DMD: variants seen among roughly 807,000 people sequenced by gnomAD.
The protein encoded by DMD is mutant dystrophin.
DMD carries 63 observed loss-of-function variants against 330.1 expected under a neutral mutation model. That is an observed-to-expected ratio of 0.19 (90% CI 0.16 to 0.24). The LOEUF is 0.24. Ranked by LOEUF, DMD falls within the 10% of genes least tolerant of loss-of-function variation. The probability of loss-of-function intolerance (pLI) is 1.00; values close to 1 mark genes in which losing one functional copy is unlikely to be tolerated. For synonymous variants in DMD, 1,223 were observed against 959.8 expected, an observed-to-expected ratio of 1.27 and a Z score of -5.07; for missense variants, 3,344 against 2,684.1, an observed-to-expected ratio of 1.25 and a Z score of -5.43.
At chrX:31,513,763 C>A in intron 55 of DMD, among the ~76,000 whole-genome samples, 1 of 111,716 alleles carries the variant, frequency 9.0e-6, no homozygotes, top group South Asian at 3.8e-4. Context: ...ATGAACCTTA[C>A]TGTACATCAG....
chrX:31,351,921 A>C (rs186493707), intron 60 of DMD, among the ~76,000 whole-genome samples: 79 of 106,660 alleles, frequency 7.4e-4, no homozygotes, highest in Non-Finnish European at 1.3e-3. Flanking sequence ...ATAAAAACTG[A>C]GGCATGAGAG....
At chrX:33,036,764 CAT>C (rs750567546) in intron 1 of DMD, among the ~76,000 whole-genome samples, 6 of 109,167 alleles carry the variant, frequency 5.5e-5, no homozygotes, top group Non-Finnish European at 7.6e-5. Flanking sequence ...ATGTAATTCA[CAT>C]ATATGTCTGT....
At chrX:32,523,932 CTT>C (rs57254581) in intron 17 of DMD, among the ~76,000 whole-genome samples, 32 of 87,395 alleles carry the variant, frequency 3.7e-4, no homozygotes, top group African/African-American at 5.4e-4. Flanking sequence ...CAAAAGAAAT[CTT>C]TTTTTTTTTT....
intron 1 of DMD, among the ~76,000 whole-genome samples, chrX:33,105,505 A>G (rs2095278216): frequency 8.9e-6 from 1 of 112,429 alleles, no homozygotes; most frequent in African/African-American, 3.2e-5. Flanking sequence ...GACAGAATGG[A>G]AAAAAATATT....
At chrX:32,762,764 G>A (rs2072485788) in intron 7 of DMD, among the ~76,000 whole-genome samples, 1 of 110,708 alleles carries the variant, frequency 9.0e-6, no homozygotes, top group African/African-American at 3.3e-5. Context: ...GGGTCTTGCT[G>A]GCTGCTTTCA....
chrX:32,415,155 T>C (rs1273389177), intron 29 of DMD, among the ~76,000 whole-genome samples: 1 of 112,329 alleles, frequency 8.9e-6, no homozygotes, highest in Admixed American at 9.5e-5. Context: ...AACAGTGTAC[T>C]CTACAAGGCA....
chrX:33,198,029 C>T (rs994154453), intron 1 of DMD, among the ~76,000 whole-genome samples: 10 of 111,369 alleles, frequency 9.0e-5, no homozygotes, highest in African/African-American at 2.6e-4. Flanking sequence ...TTTTACATTC[C>T]CATCAGCAAT....
chrX:32,044,916 T>C (rs1255822675), intron 44 of DMD, among the ~76,000 whole-genome samples: 2 of 111,847 alleles, frequency 1.8e-5, no homozygotes, highest in Non-Finnish European at 3.8e-5. Flanking sequence ...TAACTGGACA[T>C]GAGCCCTGAT....
intron 55 of DMD, among the ~76,000 whole-genome samples, chrX:31,612,709 C>T (rs1433482940): frequency 9.0e-6 from 1 of 111,434 alleles, no homozygotes. Context: ...TATTAAAATA[C>T]CTTTGGGGCA....
intron 2 of DMD, among the ~76,000 whole-genome samples, chrX:32,956,521 G>A (rs774031515): frequency 6.3e-5 from 7 of 111,711 alleles, no homozygotes; most frequent in Non-Finnish European, 1.3e-4. Flanking sequence ...TTGGTGTATA[G>A]GAATGCTAGT....
chrX:31,168,284 C>A (rs1002724028), intron 74 of DMD, among the ~76,000 whole-genome samples: 10 of 111,459 alleles, frequency 9.0e-5, no homozygotes, highest in African/African-American at 3.3e-4. Context: ...TTGAACGCCC[C>A]ACTAAGAAGC....
chrX:33,124,253 G>A (rs1316646235), intron 1 of DMD, among the ~76,000 whole-genome samples: 4 of 109,031 alleles, frequency 3.7e-5, no homozygotes, highest in East Asian at 2.9e-4. Flanking sequence ...CAAGGCATGC[G>A]AATCACGAGG....
At chrX:31,171,167 G>A (rs140861306) in intron 73 of DMD, among the ~76,000 whole-genome samples, 1 of 112,096 alleles carries the variant, frequency 8.9e-6, no homozygotes, top group African/African-American at 3.2e-5. Flanking sequence ...GAAAGATAAG[G>A]CATCACAGTT....
At chrX:32,043,415 T>C (rs1431249165) in intron 44 of DMD, among the ~76,000 whole-genome samples, 1 of 112,176 alleles carries the variant, frequency 8.9e-6, no homozygotes, top group Non-Finnish European at 1.9e-5. Flanking sequence ...GAACCTTTTA[T>C]ACAAACTAAC....
chrX:32,305,746 A>G (rs938774382), intron 42 of DMD, among the ~76,000 whole-genome samples: 1 of 111,146 alleles, frequency 9.0e-6, no homozygotes, highest in Non-Finnish European at 1.9e-5. Context: ...ATGGCCCCAA[A>G]GGCCCTCCAC....
At chrX:32,051,449 T>C (rs986471881) in intron 44 of DMD, among the ~76,000 whole-genome samples, 2 of 110,601 alleles carry the variant, frequency 1.8e-5, no homozygotes, top group African/African-American at 6.6e-5. Context: ...TAGAATGTAA[T>C]TTTAAAGAAA....
chrX:32,785,201 AT>A (rs2075244768), intron 7 of DMD, among the ~76,000 whole-genome samples: 1 of 99,119 alleles, frequency 1.0e-5, no homozygotes, highest in African/African-American at 4.4e-5. Context: ...CTATAAAAGC[AT>A]TAAAAAAAAA....
intron 22 of DMD, 43 bp from the exon 23 acceptor site, chrX:32,468,753 T>A: frequency 2.9e-6 from 3 of 1,043,527 alleles, no homozygotes; most frequent in Non-Finnish European, 2.7e-6. Flanking sequence ...AATTGATGAA[T>A]AATAATTGAT....
At chrX:31,265,783 T>TGGGGGGGGGGGGG (rs57593344) in intron 62 of DMD, among the ~76,000 whole-genome samples, 1 of 16,268 alleles carries the variant, frequency 6.1e-5, no homozygotes, top group Non-Finnish European at 9.8e-5. Flanking sequence ...ATTGGGGGTG[T>TGGGGGGGGGGGGG]GGGGGGGGGG....
Sources: gnomAD v4.1 joint callset for allele counts (sites outside exome capture counted in the v4.1 genomes callset) on GRCh38, gnomAD v4.1.1 for gene constraint, MANE v1.5 for transcripts, NCBI Gene and HGNC (gene_info 2026-07-23, HGNC 2026-07-21) for gene names.